Variants in DNAH1 observed in about 807,000 individuals in gnomAD.
The protein encoded by DNAH1 is axonemal beta dynein heavy chain 1.
In DNAH1, 327 loss-of-function variants were observed where a neutral mutation model predicts 484.3. That is an observed-to-expected ratio of 0.68 (90% confidence interval 0.62 to 0.74). The LOEUF is 0.74. Ranked by LOEUF, DNAH1 falls within the 30% of genes least tolerant of loss-of-function variation. The probability of loss-of-function intolerance (pLI) is 0.00; values close to 1 mark genes in which losing one functional copy is unlikely to be tolerated. For synonymous variants in DNAH1, 2,192 were observed against 2,191.9 expected (o/e 1.00, Z 0.00); for missense variants, 5,052 against 5,546.8 (o/e 0.91, Z 2.83).
At position 52,325,676 on chromosome 3, in the gene DNAH1, C is replaced by T. The variant is rs146002702; in HGVS notation, c.407-464C>T. 3.4e-3 allele frequency among the ~76,000 whole-genome samples: 521 copies of T among 152,302 alleles called. 2 individuals carry two copies. The highest frequency in any genetic ancestry group is 0.012 in the African/African-American group (503 of 41,546). On this transcript the variant is annotated intron_variant, in intron 3 of 77. Coordinates refer to ENST00000420323, the MANE Select transcript of DNAH1 (RefSeq NM_015512.5). ...TCCTGCAGGGCTGGAGTAGTGGAGCCACCCACAGTATCCAGGATGCCTCAA... is the reference window on the plus strand; with the variant it reads ...TCCTGCAGGGCTGGAGTAGTGGAGCTACCCACAGTATCCAGGATGCCTCAA...
chr3:52,323,859 C>T lies in DNAH1; in HGVS notation c.385C>T (p.Leu129Phe). ...MSQNLLRQAD[L>F]DKFTPRVGSF... ...CCAGAACCTCCTGCGGCAGGCTGACCTTGACAAGTTCACCCCAAGAGGTCA... is the reference window on the plus strand; with the variant it reads ...CCAGAACCTCCTGCGGCAGGCTGACTTTGACAAGTTCACCCCAAGAGGTCA... Residue 129 changes from leucine (L) to phenylalanine (F), a missense_variant, in exon 3 of 78, where the codon CTT becomes TTT. Around this residue, in one of 4 missense-constraint regions of DNAH1, gnomAD observed 1,263 missense variants for 1,218.8 expected, o/e 1.04. Transcript: ENST00000420323. The T allele has an allele frequency of 6.3e-7, 1 of 1,580,214 alleles. No homozygotes were observed. Among genetic ancestry groups the T allele is most frequent in the Non-Finnish European group, 8.6e-7 (1 of 1,163,002 alleles).
In DNAH1 at chr3:52,392,876, C is replaced by T. The variant is rs776461972; in HGVS notation, c.10325C>T (p.Thr3442Met). 9.3e-6 allele frequency: 15 copies of T among 1,610,866 alleles called. No individual in the cohort carries two copies. Among genetic ancestry groups the T allele is most frequent in the Admixed American group, 3.4e-5 (2 of 59,620 alleles). The part of the protein sequence containing the change: ...AEQTEKDIDL[T>M]RMEYIPVAIR... ...CAGACGGAGAAGGACATCGACCTGA[C>T]GCGCATGGAGTACATACCCGTGGCC... is the stretch of plus-strand genomic sequence containing the variant. The change falls in exon 65 of 78, where the codon ACG (threonine) becomes ATG (methionine). Residue 3442 changes from threonine to methionine, a missense_variant. By Grantham distance (81) the Thr-to-Met change is moderately conservative (BLOSUM62 -1). Around this residue, in one of 4 missense-constraint regions of DNAH1, gnomAD observed 2,929 missense variants for 3,409.4 expected, o/e 0.86. Coordinates refer to ENST00000420323, the MANE Select transcript of DNAH1 (RefSeq NM_015512.5).
At chr3:52,393,675 T>G (rs547633030) in intron 66 of DNAH1, among the ~76,000 whole-genome samples, 190 bp downstream of exon 66, 1 of 152,256 alleles carries the variant, frequency 6.6e-6, no homozygotes, top group East Asian at 1.9e-4. Flanking sequence ...CCCAGCACTT[T>G]GGGAGGCCGA....
chr3:52,385,100 G>T, intron 53 of DNAH1, 123 bp downstream of exon 53: 3 of 1,251,618 alleles, frequency 2.4e-6, no homozygotes, highest in South Asian at 1.5e-5. Context: ...CGTTGAAGTG[G>T]GTGGCTTCCC....
intron 46 of DNAH1, among the ~76,000 whole-genome samples, 182 bp downstream of exon 46, chr3:52,376,175 A>C (rs1703592937): frequency 6.6e-6 from 1 of 152,154 alleles, no homozygotes; most frequent in African/African-American, 2.4e-5. Flanking sequence ...CCATAGGCTC[A>C]TTCACCCATT....
In DNAH1 at chr3:52,346,615, G is replaced by C. The variant is rs1041950929; in HGVS notation, c.1800G>C (p.Met600Ile). ...VYLMSKLRKL[M>I]ELVKYMLQDT... ...TCATGTCCAAGCTGCGCAAGCTGAT[G>C]GAGCTGGTGAAGTACATGCTGCAGG... Residue 600 changes from methionine to isoleucine, a missense_variant, in exon 11 of 78, where the codon ATG becomes ATC. By Grantham distance (10) the Met-to-Ile change is conservative. This residue lies in a region of DNAH1 where 1,263 missense variants were observed against 1,218.8 expected (regional missense o/e 1.04). Transcript: ENST00000420323. The C allele has an allele frequency of 1.9e-6, 3 of 1,614,072 alleles. No homozygotes were observed. Among genetic ancestry groups the C allele is most frequent in the Non-Finnish European group, 2.5e-6 (3 of 1,179,894 alleles).
At chr3:52,324,941 G>A (rs1248400568) in intron 3 of DNAH1, among the ~76,000 whole-genome samples, 1 of 152,072 alleles carries the variant, frequency 6.6e-6, no homozygotes, top group Non-Finnish European at 1.5e-5. Context: ...GGGGTAGCCT[G>A]CCCCGGCCCG....
At chr3:52,345,356 C>G (rs187999390) in intron 9 of DNAH1, 139 bp from the exon 10 acceptor site, 18 of 707,770 alleles carry the variant, frequency 2.5e-5, no homozygotes, top group African/African-American at 2.0e-4. Flanking sequence ...TATGGAAAGG[C>G]GGGGCTCTGG....
chr3:52,392,369 GC>G, intron 63 of DNAH1, 94 bp from the exon 64 acceptor site: 4 of 1,151,418 alleles, frequency 3.5e-6, no homozygotes, highest in Non-Finnish European at 5.0e-6. Context: ...GGCTCTTGGA[GC>G]CCCAGAAGCA....
chr3:52,389,677 T>C, intron 60 of DNAH1, 91 bp downstream of exon 60: 4 of 1,248,314 alleles, frequency 3.2e-6, no homozygotes, highest in Non-Finnish European at 4.1e-6. Flanking sequence ...CTACCCTGCT[T>C]TCCAGGGCCT....
intron 49 of DNAH1, 121 bp from the exon 50 acceptor site, chr3:52,382,199 G>T (rs1312149166): frequency 5.3e-6 from 8 of 1,512,728 alleles, no homozygotes; most frequent in Non-Finnish European, 7.3e-6. Flanking sequence ...TGAAGGGTCT[G>T]CAGGTCTGCC....
intron 1 of DNAH1, among the ~76,000 whole-genome samples, chr3:52,319,004 C>T (rs1340897480): frequency 6.6e-6 from 1 of 152,180 alleles, no homozygotes; most frequent in Non-Finnish European, 1.5e-5. Flanking sequence ...TCTCAGCACC[C>T]GGTTGGAGAA....
intron 8 of DNAH1, 55 bp from the exon 9 acceptor site, chr3:52,344,435 G>A: frequency 6.3e-7 from 1 of 1,583,440 alleles, no homozygotes; most frequent in Non-Finnish European, 8.6e-7. Flanking sequence ...GGCCCCGGCT[G>A]GGGTTCACAG....
chr3:52,386,172 A>G lies in DNAH1; in HGVS notation c.8638A>G (p.Ile2880Val). The change falls in exon 55 of 78, where the codon ATC (isoleucine) becomes GTC (valine). Residue 2880 changes from isoleucine (I) to valine (V), a missense_variant. Ile to Val is a conservative substitution (Grantham distance 29). Coordinates refer to ENST00000420323, the MANE Select transcript of DNAH1 (RefSeq NM_015512.5). The part of the protein sequence containing the change: ...TMEQIKVDTA[I>V]AEETRNSVQT... ...CTCCCATCCCCAGGTGGATACGGCC[A>G]TCGCCGAGGAGACCCGGAATTCAGT... 1.2e-6 allele frequency: 2 copies of G among 1,612,966 alleles called. No individual in the cohort carries two copies. The highest frequency in any genetic ancestry group is 1.7e-6 in the Non-Finnish European group (2 of 1,179,318).
chr3:52,338,108 A>T (rs527429386), intron 8 of DNAH1, among the ~76,000 whole-genome samples: 137 of 151,980 alleles, frequency 9.0e-4, no homozygotes, highest in African/African-American at 1.5e-3. Context: ...TTAATTAATT[A>T]ATTTATTTAT....
At chr3:52,338,303 T>A (rs537849951) in intron 8 of DNAH1, among the ~76,000 whole-genome samples, 114 of 152,250 alleles carry the variant, frequency 7.5e-4, no homozygotes, top group Non-Finnish European at 1.3e-3. Flanking sequence ...AAGAAGGGAT[T>A]TCATCATGTT....
At position 52,346,672 on chromosome 3, in the gene DNAH1, TGCC is replaced by T; in HGVS notation, c.1858_1860del (p.Ala620del). On this transcript the variant is annotated inframe_deletion, in exon 11 of 78. Transcript: ENST00000420323. ...TGCGCTTCCTGGTGCAGGACTCACT[TGCC>T]AGCTTCTCACAGTTCATCAGCGACA... 1 of 1,614,046 alleles carries T rather than the reference TGCC, an allele frequency of 6.2e-7. No homozygotes were observed. The highest frequency in any genetic ancestry group is 1.3e-5 in the African/African-American group (1 of 75,066).
Position 52,360,339 on chromosome 3 carries a change from A to G in DNAH1, c.4600A>G (p.Ile1534Val), listed in dbSNP as rs1468899311. The G allele has an allele frequency of 1.9e-6, 3 of 1,613,804 alleles. No homozygotes were observed. Among genetic ancestry groups the G allele is most frequent in the Non-Finnish European group, 2.5e-6 (3 of 1,179,874 alleles). The change falls in exon 28 of 78, where the codon ATC becomes GTC. Residue 1534 changes from isoleucine (I) to valine (V), a missense_variant. Physicochemically the swap from Ile to Val is conservative, Grantham distance 29. Coordinates refer to ENST00000420323, the MANE Select transcript of DNAH1 (RefSeq NM_015512.5). Reference sequence around the variant, plus strand: ...CTACTGGACAAATAATGACCTGTATATCCGTGCTGTGAATGCTGAGTTCAT... The same window carrying G: ...CTACTGGACAAATAATGACCTGTATGTCCGTGCTGTGAATGCTGAGTTCAT... ...RYYWTNNDLY[I>V]RAVNAEFIYG...
chr3:52,393,268 G>T, intron 65 of DNAH1, 66 bp from the exon 66 acceptor site: 1 of 1,599,910 alleles, frequency 6.3e-7, no homozygotes, highest in Non-Finnish European at 8.6e-7. Flanking sequence ...GGCTAGGCTG[G>T]GCTGGACCCC....
Sources: allele counts gnomAD v4.1 joint callset (sites outside exome capture counted in the v4.1 genomes callset), GRCh38; gene constraint gnomAD v4.1.1; regional missense constraint gnomAD v4.1.1; transcripts MANE v1.5; gene names NCBI Gene and HGNC (gene_info 2026-07-23, HGNC 2026-07-21).